Variants in KIF25 observed in about 807,000 individuals in gnomAD.
The protein encoded by KIF25 is kinesin-like protein KIF25.
KIF25 carries 19 observed loss-of-function variants against 32.9 expected under a neutral mutation model. The observed-to-expected ratio is 0.58, with a 90% CI of 0.40 to 0.85. The LOEUF (loss-of-function observed/expected upper bound fraction) is 0.85. Ranked by LOEUF, KIF25 falls within the 40% of genes least tolerant of loss-of-function variation. KIF25 has a pLI of 0.00. For synonymous variants in KIF25, 225 were observed against 213.7 expected (o/e 1.05, Z -0.46); for missense variants, 485 against 507.0 (o/e 0.96, Z 0.42).
chr6:168,007,758 G>A (rs1173511263), intron 4 of KIF25, among the ~76,000 whole-genome samples: 1 of 148,606 alleles, frequency 6.7e-6, no homozygotes, highest in Non-Finnish European at 1.5e-5. Flanking sequence ...TTGTTAGGGA[G>A]TTTAGCAAGA....
intron 4 of KIF25, among the ~76,000 whole-genome samples, chr6:168,013,488 G>T (rs1241664050): frequency 2.0e-5 from 3 of 152,028 alleles, no homozygotes; most frequent in Admixed American, 6.5e-5. Context: ...TGCTCCAGAG[G>T]TGGCTCTGGT....
At chr6:168,033,448 C>T (rs1337615259) in intron 7 of KIF25, among the ~76,000 whole-genome samples, 3 of 140,178 alleles carry the variant, frequency 2.1e-5, no homozygotes, top group Non-Finnish European at 3.0e-5. Flanking sequence ...TGCAATGAGC[C>T]AAAATTGTGC....
rs761853452 is a variant in KIF25 at position 168,042,132 on chromosome 6, G to C, written c.810G>C (p.Ser270=). ...AGGCTCGACTACAGCTCGTGGACTC[G>C]GCCGGCAGCGAGTGCGTTGGTGAGC... ...QVQARLQLVD[S]AGSECVGVSG... Residue 270 remains serine, a synonymous_variant, in exon 11 of 13, where the codon TCG becomes TCC. Transcript: ENST00000643607. 29 of 1,549,586 alleles carry C rather than the reference G, an allele frequency of 1.9e-5. No homozygotes were observed. Among genetic ancestry groups the C allele is most frequent in the East Asian group, 7.3e-5 (3 of 41,010 alleles).
chr6:168,023,646 T>A (rs1015264805), intron 5 of KIF25, among the ~76,000 whole-genome samples: 1 of 151,734 alleles, frequency 6.6e-6, no homozygotes, highest in Admixed American at 6.6e-5. Flanking sequence ...AAGTAATCCA[T>A]CCGCCTCAGC....
At chr6:168,041,034 T>C (rs1217388879) in intron 10 of KIF25, among the ~76,000 whole-genome samples, 4 of 151,874 alleles carry the variant, frequency 2.6e-5, no homozygotes, top group Non-Finnish European at 5.9e-5. Flanking sequence ...GGACCCAGAG[T>C]GTGCGTTTCT....
chr6:168,042,460 C>T, intron 11 of KIF25, 101 bp from the exon 12 acceptor site: 1 of 1,436,328 alleles, frequency 7.0e-7, no homozygotes, highest in Non-Finnish European at 9.5e-7. Context: ...CATGGCCTCC[C>T]CTCTACCTGC....
intron 5 of KIF25, among the ~76,000 whole-genome samples, chr6:168,027,389 G>A (rs1405962966): frequency 6.8e-6 from 1 of 148,004 alleles, no homozygotes; most frequent in Admixed American, 6.8e-5. Context: ...AGGAGACAGA[G>A]GTTGCAGTGA....
chr6:168,021,427 TTCTC>T lies in KIF25; in HGVS notation c.-95+3391_-95+3394del, dbSNP rs1313272483. On this transcript the variant is annotated intron_variant, in intron 5 of 12. Transcript: ENST00000643607. Reference sequence around the variant, plus strand: ...ACAGATCATGGTGAAGTTTTCCCCTTTCTCTCTGCTTCAAATGACGCACGAGTTT... The same window carrying T: ...ACAGATCATGGTGAAGTTTTCCCCTTTCTGCTTCAAATGACGCACGAGTTT... 1.2e-4 allele frequency among the ~76,000 whole-genome samples: 19 copies of T among 152,362 alleles called. No individual in the cohort carries two copies. The South Asian group carries it at 3.3e-3, about 27-fold the overall frequency.
At chr6:168,009,854 G>T (rs1265301460) in intron 4 of KIF25, among the ~76,000 whole-genome samples, 1 of 151,820 alleles carries the variant, frequency 6.6e-6, no homozygotes, top group Non-Finnish European at 1.5e-5. Context: ...TGAATTTATT[G>T]GCATATGGTT....
chr6:168,028,937 C>A (rs1167005350), intron 5 of KIF25, among the ~76,000 whole-genome samples: 1 of 152,034 alleles, frequency 6.6e-6, no homozygotes, highest in Non-Finnish European at 1.5e-5. Flanking sequence ...ATTTTATGAC[C>A]TGCTGTTTTG....
At chr6:168,038,241 T>C (rs1416829504) in intron 8 of KIF25, among the ~76,000 whole-genome samples, 2 of 152,232 alleles carry the variant, frequency 1.3e-5, no homozygotes, top group Non-Finnish European at 2.9e-5. Flanking sequence ...TGGTAATTTC[T>C]AGACCACAGC....
chr6:168,010,354 A>G (rs1023642721), intron 4 of KIF25, among the ~76,000 whole-genome samples: 2 of 152,062 alleles, frequency 1.3e-5, no homozygotes, highest in Admixed American at 1.3e-4. Context: ...GAGAATTTTA[A>G]ATTTTCATTC....
At chr6:168,029,311 T>A (rs2114897449) in intron 5 of KIF25, among the ~76,000 whole-genome samples, 181 bp from the exon 6 acceptor site, 1 of 152,332 alleles carries the variant, frequency 6.6e-6, no homozygotes, top group Admixed American at 6.5e-5. Flanking sequence ...AGCAACCCTG[T>A]GCAATGTAGA....
At chr6:168,024,374 T>C (rs1276240431) in intron 5 of KIF25, among the ~76,000 whole-genome samples, 7 of 150,884 alleles carry the variant, frequency 4.6e-5, no homozygotes, top group Non-Finnish European at 1.0e-4. Flanking sequence ...TTTTGTCCTC[T>C]TTTGATGACT....
chr6:168,031,787 G>C (rs28585071), intron 7 of KIF25, among the ~76,000 whole-genome samples: 1 of 152,116 alleles, frequency 6.6e-6, no homozygotes, highest in Non-Finnish European at 1.5e-5. Context: ...ATGCGAAACA[G>C]ATGGAGTTAG....
At chr6:168,027,496 G>C (rs1179367562) in intron 5 of KIF25, among the ~76,000 whole-genome samples, 1 of 150,690 alleles carries the variant, frequency 6.6e-6, no homozygotes, top group Admixed American at 6.6e-5. Context: ...GAAAGAAAAA[G>C]GGAAAGGAGA....
At chr6:168,032,892 A>G (rs1229239448) in intron 7 of KIF25, among the ~76,000 whole-genome samples, 2 of 152,216 alleles carry the variant, frequency 1.3e-5, no homozygotes, top group Non-Finnish European at 2.9e-5. Context: ...GGTCAGGTGG[A>G]CCCATACCTT....
intron 7 of KIF25, among the ~76,000 whole-genome samples, chr6:168,032,566 G>T (rs186847251): frequency 3.4e-3 from 517 of 152,336 alleles, no homozygotes; most frequent in African/African-American, 0.012. Flanking sequence ...CTTGTGGCTG[G>T]AATGTAACAG....
chr6:168,001,956 G>T (rs79182267), intron 2 of KIF25, among the ~76,000 whole-genome samples: 48 of 103,226 alleles, frequency 4.6e-4, no homozygotes, highest in African/African-American at 1.3e-3. Context: ...AGGCGTGGCC[G>T]CGGGCAGGTG....
Sources: allele counts gnomAD v4.1 joint callset (sites outside exome capture counted in the v4.1 genomes callset), GRCh38; gene constraint gnomAD v4.1.1; transcripts MANE v1.5; gene names NCBI Gene and HGNC (gene_info 2026-07-23, HGNC 2026-07-21).